PCDHGA10: variants seen among roughly 807,000 people sequenced by gnomAD.
PCDHGA10 encodes protocadherin gamma-A10.
Under a neutral mutation model 59.5 loss-of-function variants are expected in PCDHGA10, and 42 were observed. That is an observed-to-expected ratio of 0.71 (90% confidence interval 0.55 to 0.91). The LOEUF (loss-of-function observed/expected upper bound fraction) is 0.91. Ranked by LOEUF, PCDHGA10 falls within the 40% of genes least tolerant of loss-of-function variation. PCDHGA10 has a pLI of 0.00. For missense variants in PCDHGA10, 1,111 were observed against 1,198.2 expected (o/e 0.93, Z 1.07); for synonymous variants, 511 against 517.2 (o/e 0.99, Z 0.16).
At position 141,493,396 on chromosome 5, in the gene PCDHGA10, G is replaced by A. The variant is rs562217310; in HGVS notation, c.2437-1411G>A. 1.3e-5 allele frequency among the ~76,000 whole-genome samples: 2 copies of A among 152,274 alleles called. No homozygotes were observed. Among genetic ancestry groups the A allele is most frequent in the East Asian group, 3.9e-4 (2 of 5,178 alleles). The stretch of plus-strand genomic sequence containing the variant: ...TTTAAAAGCTTGAGGACAGGAGAGG[G>A]GAGTTGCCTCTGCTGGGATTTTGCT... On this transcript the variant is annotated intron_variant, in intron 1 of 3. Transcript: ENST00000398610. This position sits in a 1 kb window ranked among gnomAD's most constrained non-coding sequence, Gnocchi z 4.3.
At position 141,490,785 on chromosome 5, in the gene PCDHGA10, G is replaced by A. The variant is rs1021708826; in HGVS notation, c.2437-4022G>A. 1.2e-6 allele frequency: 2 copies of A among 1,614,066 alleles called. No individual in the cohort carries two copies. Among genetic ancestry groups the A allele is most frequent in the Non-Finnish European group, 1.7e-6 (2 of 1,179,952 alleles). On this transcript the variant is annotated intron_variant, in intron 1 of 3. Coordinates refer to ENST00000398610, the MANE Select transcript of PCDHGA10 (RefSeq NM_018913.3). The surrounding 1 kb of genome is among the most constrained non-coding windows in gnomAD (Gnocchi z 5.4). ...TGTATGTCAACCCAGAGGATGGACG[G>A]ATCTTTGCCCAGCGTACCTTTGACT...
rs773126086 is a variant in PCDHGA10 at position 141,487,392 on chromosome 5, G to C, written c.2437-7415G>C. The C allele has an allele frequency of 6.2e-7, 1 of 1,614,176 alleles. No homozygotes were observed. Among genetic ancestry groups the C allele is most frequent in the Non-Finnish European group, 8.5e-7 (1 of 1,180,024 alleles). ...GCCTGTCTCACCAGATCTCGAAGGA[G>C]GGAGGGGCTTCCCCCTTCCAATGGG... On this transcript the variant is annotated intron_variant, in intron 1 of 3. Coordinates refer to ENST00000398610, the MANE Select transcript of PCDHGA10 (RefSeq NM_018913.3). This position sits in a 1 kb window ranked among gnomAD's most constrained non-coding sequence, Gnocchi z 5.0.
chr5:141,476,507 A>G lies in PCDHGA10; in HGVS notation c.2437-18300A>G. 1 of 1,614,102 alleles carries G rather than the reference A, an allele frequency of 6.2e-7. No individual in the cohort carries two copies. The highest frequency in any genetic ancestry group is 8.5e-7 in the Non-Finnish European group (1 of 1,180,008). On this transcript the variant is annotated intron_variant, in intron 1 of 3. Transcript: ENST00000398610. This position sits in a 1 kb window ranked among gnomAD's most constrained non-coding sequence, Gnocchi z 7.6. Reference sequence around the variant, plus strand: ...AGTGGTGATCCAGGACATCAACGACAACAATCCTGCTTTCCCTACCCAGGA... The same window carrying G: ...AGTGGTGATCCAGGACATCAACGACGACAATCCTGCTTTCCCTACCCAGGA...
At position 141,415,171 on chromosome 5, in the gene PCDHGA10, G is replaced by A. The variant is rs748508713; in HGVS notation, c.1996G>A (p.Val666Met). ...TCTCTCCGCCACTGTCACGCTCACC[G>A]TGGCCGTGGCCGACAGCATCCCCCA... ...PPLSATVTLT[V>M]AVADSIPQVL... The change falls in exon 1 of 4, where the codon GTG becomes ATG. Residue 666 changes from valine (V) to methionine (M), a missense_variant. Coordinates refer to ENST00000398610, the MANE Select transcript of PCDHGA10 (RefSeq NM_018913.3). 8 of 1,613,876 alleles carry A rather than the reference G, an allele frequency of 5.0e-6. No homozygotes were observed. In the South Asian group the frequency reaches 6.6e-5, roughly 13 times the overall value.
chr5:141,511,007 G>A lies in PCDHGA10; in HGVS notation c.2645G>A (p.Arg882His), dbSNP rs780918754. The change falls in exon 4 of 4, where the codon CGC becomes CAC. Residue 882 changes from arginine to histidine, a missense_variant. Physicochemically the swap from Arg to His is conservative, Grantham distance 29 (BLOSUM62 0). Transcript: ENST00000398610. ...GCCGGCACCATGGGATTGAGCGCCC[G>A]CTACGGACCCCAGTTCACCCTGCAG... is the stretch of plus-strand genomic sequence containing the variant. ...GGAGTMGLSA[R>H]YGPQFTLQHV... 1.9e-6 allele frequency: 3 copies of A among 1,614,158 alleles called. No individual in the cohort carries two copies. Among genetic ancestry groups the A allele is most frequent in the East Asian group, 4.5e-5 (2 of 44,890 alleles).
intron 1 of PCDHGA10, among the ~76,000 whole-genome samples, chr5:141,460,445 G>A (rs896549154): frequency 7.2e-5 from 11 of 152,144 alleles, no homozygotes; most frequent in Admixed American, 5.9e-4. Flanking sequence ...AGGTAACAAT[G>A]AAGATTCATA....
At position 141,413,426 on chromosome 5, in the gene PCDHGA10, G is replaced by T. The variant is rs138985917; in HGVS notation, c.251G>T (p.Arg84Leu). The change falls in exon 1 of 4, where the codon CGC (arginine) becomes CTC (leucine). Residue 84 changes from arginine (R) to leucine (L), a missense_variant. Physicochemically the swap from Arg to Leu is moderately radical, Grantham distance 102. Transcript: ENST00000398610. Reference sequence around the variant, plus strand: ...ACGCAGCTTTTCTCTCTGAACCCGCGCAGCGGCAGCTTGATCACCGCGGGC... The same window carrying T: ...ACGCAGCTTTTCTCTCTGAACCCGCTCAGCGGCAGCTTGATCACCGCGGGC... ...GRTQLFSLNP[R>L]SGSLITAGRI... 776 of 1,614,090 alleles carry T rather than the reference G, an allele frequency of 4.8e-4. 5 individuals carry two copies. The African/African-American group carries it at 9.2e-3, about 19-fold the overall frequency.
intron 1 of PCDHGA10, chr5:141,478,312 C>T (rs768312280): frequency 8.1e-6 from 13 of 1,614,002 alleles, no homozygotes; most frequent in East Asian, 2.2e-5. Flanking sequence ...CCCCGGTGAG[C>T]TCACTGTACC....
At position 141,438,276 on chromosome 5, in the gene PCDHGA10, ATAATT is replaced by A. The variant is rs533892835; in HGVS notation, c.2436+22670_2436+22674del. ...TGAAGAGACCATAGAATCAAACAAA[ATAATT>A]TAATCTGTATGTAAAAGAAGTTGGT... On this transcript the variant is annotated intron_variant, in intron 1 of 3. Coordinates refer to ENST00000398610, the MANE Select transcript of PCDHGA10 (RefSeq NM_018913.3). 1.4e-3 allele frequency among the ~76,000 whole-genome samples: 213 copies of A among 152,246 alleles called. 1 individual carries two copies. The highest frequency in any genetic ancestry group is 4.8e-3 in the African/African-American group (199 of 41,534).
At chr5:141,453,492 G>A (rs1046043468) in intron 1 of PCDHGA10, among the ~76,000 whole-genome samples, 7 of 152,000 alleles carry the variant, frequency 4.6e-5, no homozygotes, top group African/African-American at 7.3e-5. Context: ...AAAAAAAGGT[G>A]TACTCAGAAA....
intron 1 of PCDHGA10, among the ~76,000 whole-genome samples, chr5:141,483,255 G>T (rs1383670642): frequency 1.3e-5 from 2 of 152,030 alleles, no homozygotes; most frequent in African/African-American, 2.4e-5. Context: ...ATATCATGAG[G>T]TTTTTTTGTT....
Position 141,487,390 on chromosome 5 carries a change from G to A in PCDHGA10, c.2437-7417G>A, listed in dbSNP as rs769886634. On this transcript the variant is annotated intron_variant, in intron 1 of 3. Coordinates refer to ENST00000398610, the MANE Select transcript of PCDHGA10 (RefSeq NM_018913.3). The surrounding 1 kb of genome is among the most constrained non-coding windows in gnomAD (Gnocchi z 5.0). The stretch of plus-strand genomic sequence containing the variant: ...GTGCCTGTCTCACCAGATCTCGAAG[G>A]AGGGAGGGGCTTCCCCCTTCCAATG... 1.2e-6 allele frequency: 2 copies of A among 1,614,182 alleles called. No homozygotes were observed. The highest frequency in any genetic ancestry group is 1.3e-5 in the African/African-American group (1 of 75,070).
chr5:141,423,680 C>T (rs2096766182), intron 1 of PCDHGA10: 1 of 1,479,088 alleles, frequency 6.8e-7, no homozygotes, highest in African/African-American at 1.5e-5. Context: ...ATTTCTCTGC[C>T]TCCTAATTGT....
chr5:141,473,377 C>T (rs2099320819), intron 1 of PCDHGA10, among the ~76,000 whole-genome samples: 1 of 152,202 alleles, frequency 6.6e-6, no homozygotes, highest in Admixed American at 6.5e-5. Flanking sequence ...TAGCATGGTC[C>T]CTGCCCTCCT....
chr5:141,478,327 A>G lies in PCDHGA10; in HGVS notation c.2437-16480A>G, dbSNP rs149317962. The G allele has an allele frequency of 9.9e-6, 16 of 1,613,974 alleles. No homozygotes were observed. The African/African-American group carries it at 2.0e-4, about 20-fold the overall frequency. The stretch of plus-strand genomic sequence containing the variant: ...CCCCGGTGAGCTCACTGTACCGAAC[A>G]CCAGGGCCCTCCTTGCACGCGGACG... On this transcript the variant is annotated intron_variant, in intron 1 of 3. Transcript: ENST00000398610.
rs754536860 is a variant in PCDHGA10, at chr5:141,432,221, A to G, written c.2436+16610A>G. The G allele has an allele frequency of 2.5e-6, 4 of 1,614,190 alleles. No homozygotes were observed. The South Asian group carries it at 4.4e-5, about 18-fold the overall frequency. ...CGACTGTGAAGAGAACGCCCAGATC[A>G]CTTATTCCCTGGCTGAGAACACCAT... On this transcript the variant is annotated intron_variant, in intron 1 of 3. Coordinates refer to ENST00000398610, the MANE Select transcript of PCDHGA10 (RefSeq NM_018913.3). The surrounding 1 kb of genome is among the most constrained non-coding windows in gnomAD (Gnocchi z 6.0).
intron 1 of PCDHGA10, among the ~76,000 whole-genome samples, chr5:141,420,701 T>C (rs371823252): frequency 7.2e-5 from 11 of 152,226 alleles, no homozygotes; most frequent in Admixed American, 5.9e-4. Flanking sequence ...TATTTCCACT[T>C]CCAGAAATGT....
rs951185891 is a variant in PCDHGA10, at chr5:141,494,814, C to T, written c.2444C>T (p.Pro815Leu). 7 of 1,614,152 alleles carry T rather than the reference C, an allele frequency of 4.3e-6. No individual in the cohort carries two copies. The highest frequency in any genetic ancestry group is 1.7e-5 in the Admixed American group (1 of 60,024). Residue 815 changes from proline to leucine, a missense_variant, in exon 2 of 4, where the codon CCG becomes CTG. By Grantham distance (98) the Pro-to-Leu change is moderately conservative (BLOSUM62 -3). Transcript: ENST00000398610. The part of the protein sequence containing the change: ...IEDTPLVPQA[P>L]PNTDWRFSQA... ...CCTCTGTTTTCTCCACAGCAAGCCCCGCCCAACACGGACTGGCGTTTCTCT... is the reference window on the plus strand; with the variant it reads ...CCTCTGTTTTCTCCACAGCAAGCCCTGCCCAACACGGACTGGCGTTTCTCT...
intron 1 of PCDHGA10, among the ~76,000 whole-genome samples, chr5:141,494,113 C>G (rs2099751999): frequency 6.6e-6 from 1 of 152,214 alleles, no homozygotes; most frequent in Non-Finnish European, 1.5e-5. Flanking sequence ...TCAGACAGAG[C>G]AGCCTTGTTC....
Sources: allele counts gnomAD v4.1 joint callset (sites outside exome capture counted in the v4.1 genomes callset), GRCh38; gene constraint gnomAD v4.1.1; non-coding constraint Gnocchi (gnomAD v3.1); transcripts MANE v1.5; gene names NCBI Gene and HGNC (gene_info 2026-07-23, HGNC 2026-07-21).